The following ZBTB1 variants were observed in gnomAD, a reference collection of about 807,000 sequenced individuals.
ZBTB1 encodes zinc finger and BTB domain-containing protein 1.
Under a neutral mutation model 51.6 loss-of-function variants are expected in ZBTB1, and 13 were observed. The ratio of observed to expected loss-of-function variants is 0.25; its 90% confidence interval spans 0.16 to 0.40. The LOEUF is 0.40. Among genes scored for constraint, ZBTB1 ranks in the 10% least tolerant of loss-of-function variants. The probability of loss-of-function intolerance (pLI) is 1.00; values close to 1 mark genes in which losing one functional copy is unlikely to be tolerated. For synonymous variants in ZBTB1, 240 were observed against 282.2 expected, an observed-to-expected ratio of 0.85 and a Z score of 1.50; for missense variants, 567 against 856.5, an observed-to-expected ratio of 0.66 and a Z score of 4.22.
chr14:64,531,994 C>G (rs1265177146), exon 3 of ZBTB1: 26 of 1,422,626 alleles, frequency 1.8e-5, no homozygotes, highest in African/African-American at 2.9e-5. Context: ...GTGGCACCAT[C>G]TTTTCTGTCT....
intron 2 of ZBTB1, among the ~76,000 whole-genome samples, chr14:64,530,807 A>T (rs187295233): frequency 2.7e-4 from 41 of 152,318 alleles, no homozygotes; most frequent in African/African-American, 9.4e-4. Flanking sequence ...ACTAAGGGAC[A>T]GAAAGCCATT....
intron 2 of ZBTB1, chr14:64,531,732 G>A (rs11623354): frequency 3.5e-5 from 35 of 990,462 alleles, no homozygotes; most frequent in Non-Finnish European, 4.9e-5. Flanking sequence ...TCTATTCTCT[G>A]TTCTGTTAAC....
intron 1 of ZBTB1, among the ~76,000 whole-genome samples, chr14:64,507,169 G>A (rs2079674279): frequency 6.6e-6 from 1 of 152,116 alleles, no homozygotes. Context: ...TTGTTAATAA[G>A]CTGCAATCTG....
Position 64,523,611 on chromosome 14 carries a change from T to A in ZBTB1, c.2107T>A (p.Ser703Thr), listed in dbSNP as rs2079880454. 1.9e-6 allele frequency: 3 copies of A among 1,551,254 alleles called. No homozygotes were observed. The highest frequency in any genetic ancestry group is 2.6e-6 in the Non-Finnish European group (3 of 1,146,860). Reference sequence around the variant, plus strand: ...ATTTAATTTGAGGAAAGATATGAGATCACATTATAATGCCAAGCATTTGAA... The same window carrying A: ...ATTTAATTTGAGGAAAGATATGAGAACACATTATAATGCCAAGCATTTGAA... ...AKFNLRKDMR[S>T]HYNAKHLKRT is the part of the protein sequence containing the mutation. The change falls in exon 2 of 2, where the codon TCA becomes ACA. Residue 703 changes from serine (S) to threonine (T), a missense_variant. Ser to Thr is a moderately conservative substitution (Grantham distance 58, BLOSUM62 1). Coordinates refer to ENST00000683701, the MANE Select transcript of ZBTB1 (RefSeq NM_001123329.2). This position sits in a 1 kb window ranked among gnomAD's most constrained non-coding sequence, Gnocchi z 4.5.
At chr14:64,509,614 T>C (rs970383106) in intron 1 of ZBTB1, among the ~76,000 whole-genome samples, 1 of 152,180 alleles carries the variant, frequency 6.6e-6, no homozygotes, top group South Asian at 2.1e-4. Flanking sequence ...TTTTCAGGAT[T>C]TTGGTTTGAA....
chr14:64,504,586 T>G (rs1044284673), upstream of ZBTB1: 1 of 235,094 alleles, frequency 4.3e-6, no homozygotes, highest in African/African-American at 2.3e-5. Context: ...CAGAAACTTG[T>G]TGCAACAAAC....
intron 2 of ZBTB1, among the ~76,000 whole-genome samples, chr14:64,531,248 T>A (rs3783722): frequency 0.17 from 26,278 of 152,020 alleles, 2,597 homozygotes; most frequent in Non-Finnish European, 0.22. Flanking sequence ...TAAAAAATTT[T>A]AAAAAAATTA....
At position 64,505,073 on chromosome 14, in the gene ZBTB1, G is replaced by C. The variant is rs538016482; in HGVS notation, c.-19+127G>C. On this transcript the variant is annotated intron_variant, in intron 1 of 1. Transcript: ENST00000683701. ...TCCGTGCGGGGAGCCGGAGCGCGGC[G>C]GACGCGCTGCGAGGACCCGGTGACG... 60 of 364,578 alleles carry C rather than the reference G, an allele frequency of 1.6e-4. 1 individual carries two copies. Among genetic ancestry groups the C allele is most frequent in the African/African-American group, 1.1e-3 (54 of 47,250 alleles). The allele number at this position is 364,578 out of a possible 1,614,324, so 22.6% of individuals were successfully genotyped here. A position where few individuals can be genotyped will look rare whatever the true frequency, so the allele number is the denominator to read the frequency against.
rs1432503782 is a variant in ZBTB1 at position 64,522,357 on chromosome 14, A to G, written c.853A>G (p.Arg285Gly). Residue 285 changes from arginine to glycine, a missense_variant, in exon 2 of 2, where the codon AGA becomes GGA. Around this residue, in one of 5 missense-constraint regions of ZBTB1, gnomAD observed 329 missense variants for 406.3 expected, o/e 0.81. Transcript: ENST00000683701. Reference protein sequence around the residue: ...KTFSAQTDKYRGDTSQAADDS... With the variant: ...KTFSAQTDKYGGDTSQAADDS... ...ATTTTCTGCACAGACGGACAAATAC[A>G]GAGGAGACACAAGCCAGGCTGCTGA... 6.2e-7 allele frequency: 1 copy of G among 1,614,182 alleles called. No individual in the cohort carries two copies. The highest frequency in any genetic ancestry group is 8.5e-7 in the Non-Finnish European group (1 of 1,180,028).
exon 3 of ZBTB1, chr14:64,532,090 T>C: frequency 1.8e-6 from 1 of 561,214 alleles, no homozygotes; most frequent in South Asian, 2.9e-5. Context: ...ATCACTTTGT[T>C]GTAACAAAAT....
chr14:64,509,901 T>C (rs887878328), intron 1 of ZBTB1, among the ~76,000 whole-genome samples: 1 of 150,424 alleles, frequency 6.6e-6, no homozygotes, highest in Non-Finnish European at 1.5e-5. Context: ...GGCGTGAACC[T>C]GGGAGGCGGA....
At position 64,522,411 on chromosome 14, in the gene ZBTB1, A is replaced by C. The variant is rs1451580801; in HGVS notation, c.907A>C (p.Lys303Gln). Reference protein sequence around the residue: ...DDSASTTGSRKSSTVESEIAS... With the variant: ...DDSASTTGSRQSSTVESEIAS... Reference sequence around the variant, plus strand: ...TTCAGCTTCAACCACTGGAAGCAGAAAAAGTAGCACAGTGGAGTCTGAAAT... The same window carrying C: ...TTCAGCTTCAACCACTGGAAGCAGACAAAGTAGCACAGTGGAGTCTGAAAT... Residue 303 changes from lysine (K) to glutamine (Q), a missense_variant, in exon 2 of 2, where the codon AAA becomes CAA. Physicochemically the swap from Lys to Gln is moderately conservative, Grantham distance 53. Coordinates refer to ENST00000683701, the MANE Select transcript of ZBTB1 (RefSeq NM_001123329.2). 1 of 1,614,040 alleles carries C rather than the reference A, an allele frequency of 6.2e-7. No homozygotes were observed. The highest frequency in any genetic ancestry group is 8.5e-7 in the Non-Finnish European group (1 of 1,180,032).
chr14:64,507,829 C>T (rs992249949), intron 1 of ZBTB1, among the ~76,000 whole-genome samples: 1 of 152,180 alleles, frequency 6.6e-6, no homozygotes, highest in African/African-American at 2.4e-5. Flanking sequence ...AAAGCAAACC[C>T]TCACCTTTAT....
rs1169640366 is a variant in ZBTB1 at position 64,523,160 on chromosome 14, T to C, written c.1656T>C (p.His552=). ...RFETENLVVE[H]MSSCLDQDMF... ...AAACTGAAAATCTAGTGGTTGAACA[T>C]ATGTCTAGCTGCTTAGATCAAGATA... The change falls in exon 2 of 2, where the codon CAT becomes CAC. Residue 552 remains histidine (H), a synonymous_variant. Coordinates refer to ENST00000683701, the MANE Select transcript of ZBTB1 (RefSeq NM_001123329.2). This position sits in a 1 kb window ranked among gnomAD's most constrained non-coding sequence, Gnocchi z 4.5. The C allele has an allele frequency of 1.9e-6, 3 of 1,614,208 alleles. No homozygotes were observed. The South Asian group carries it at 3.3e-5, about 18-fold the overall frequency.
At chr14:64,526,142 C>T (rs1024282873), downstream of ZBTB1, among the ~76,000 whole-genome samples, 7 of 152,100 alleles carry the variant, frequency 4.6e-5, no homozygotes, top group Non-Finnish European at 1.0e-4. Flanking sequence ...TTCTGAGTTT[C>T]ATGTTACACA....
rs2079869389 is a variant in ZBTB1 at position 64,522,414 on chromosome 14, A to G, written c.910A>G (p.Ser304Gly). The change falls in exon 2 of 2, where the codon AGT (serine) becomes GGT (glycine). Residue 304 changes from serine (S) to glycine (G), a missense_variant. By Grantham distance (56) the Ser-to-Gly change is moderately conservative. This residue lies in a region of ZBTB1 where 329 missense variants were observed against 406.3 expected (regional missense o/e 0.81). Transcript: ENST00000683701. ...AGCTTCAACCACTGGAAGCAGAAAAAGTAGCACAGTGGAGTCTGAAATAGC... is the reference window on the plus strand; with the variant it reads ...AGCTTCAACCACTGGAAGCAGAAAAGGTAGCACAGTGGAGTCTGAAATAGC... Reference protein sequence around the residue: ...DSASTTGSRKSSTVESEIASE... With the variant: ...DSASTTGSRKGSTVESEIASE... The G allele has an allele frequency of 6.2e-7, 1 of 1,614,166 alleles. No homozygotes were observed. Among genetic ancestry groups the G allele is most frequent in the Non-Finnish European group, 8.5e-7 (1 of 1,180,034 alleles).
downstream of ZBTB1, among the ~76,000 whole-genome samples, chr14:64,527,327 T>C (rs1401850000): frequency 2.7e-5 from 4 of 150,794 alleles, no homozygotes; most frequent in African/African-American, 9.8e-5. Context: ...ATACAAAAGT[T>C]AGGCCAGGCG....
chr14:64,506,119 G>T (rs2079650805), intron 1 of ZBTB1, among the ~76,000 whole-genome samples: 1 of 152,226 alleles, frequency 6.6e-6, no homozygotes, highest in African/African-American at 2.4e-5. Flanking sequence ...ATGATGGCTG[G>T]CCAACATTTG....
chr14:64,531,900 G>T (rs761091411), exon 3 of ZBTB1: 1 of 1,613,654 alleles, frequency 6.2e-7, no homozygotes, highest in African/African-American at 1.3e-5. Flanking sequence ...AGAAGTGAGA[G>T]ATCTGAATTT....
Sources: allele counts gnomAD v4.1 joint callset (sites outside exome capture counted in the v4.1 genomes callset), GRCh38; gene constraint gnomAD v4.1.1; regional missense constraint gnomAD v4.1.1; non-coding constraint Gnocchi (gnomAD v3.1); transcripts MANE v1.5; gene names NCBI Gene and HGNC (gene_info 2026-07-23, HGNC 2026-07-21).